The following SOX5 variants were observed in gnomAD, a reference collection of about 807,000 sequenced individuals.
SOX5 encodes the protein transcription factor SOX-5.
In SOX5, 9 loss-of-function variants were observed where a neutral mutation model predicts 92.0. That is an observed-to-expected ratio of 0.10 (90% confidence interval 0.06 to 0.17). The LOEUF is 0.17. Ranked by LOEUF, SOX5 falls within the 10% of genes least tolerant of loss-of-function variation. SOX5 has a pLI of 1.00. For missense variants in SOX5, 642 were observed against 944.5 expected (o/e 0.68, Z 4.20); for synonymous variants, 344 against 336.3 (o/e 1.02, Z -0.25).
At chr12:24,450,859 T>C (rs1446976403) in intron 1 of SOX5, among the ~76,000 whole-genome samples, 1 of 152,182 alleles carries the variant, frequency 6.6e-6, no homozygotes, top group Non-Finnish European at 1.5e-5. Context: ...ACAATTATTA[T>C]TTACTATAGT....
intron 1 of SOX5, among the ~76,000 whole-genome samples, chr12:24,426,450 A>T (rs1052240713): frequency 1.3e-5 from 2 of 152,228 alleles, no homozygotes; most frequent in African/African-American, 4.8e-5. Flanking sequence ...GCACCCTAGA[A>T]CTTAAAGTAT....
At chr12:24,354,253 T>G (rs1954508923) in intron 2 of SOX5, among the ~76,000 whole-genome samples, 1 of 152,136 alleles carries the variant, frequency 6.6e-6, no homozygotes, top group Admixed American at 6.6e-5. Context: ...GTGAAGAATC[T>G]CCTAGCAGAA....
chr12:24,540,179 G>C (rs1478955623), intron 1 of SOX5, among the ~76,000 whole-genome samples: 1 of 152,082 alleles, frequency 6.6e-6, no homozygotes, highest in Non-Finnish European at 1.5e-5. Flanking sequence ...GCCAACATAG[G>C]ATTAGCATTG....
chr12:24,551,888 G>C (rs1197488078), intron 1 of SOX5, among the ~76,000 whole-genome samples: 1 of 152,116 alleles, frequency 6.6e-6, no homozygotes, highest in Non-Finnish European at 1.5e-5. Flanking sequence ...CTCTCCTTCT[G>C]TGTGTTTTTA....
chr12:24,415,549 T>C (rs1053439371), intron 1 of SOX5, among the ~76,000 whole-genome samples: 3 of 152,206 alleles, frequency 2.0e-5, no homozygotes, highest in East Asian at 3.8e-4. Flanking sequence ...TGGATAAAGA[T>C]AGAAAGATCA....
chr12:23,573,820 T>C (rs2136645450), intron 10 of SOX5, among the ~76,000 whole-genome samples: 1 of 152,242 alleles, frequency 6.6e-6, no homozygotes. Context: ...AGGTTCACTG[T>C]CATGCTACAA....
chr12:23,873,275 G>A (rs1159157961), intron 2 of SOX5, among the ~76,000 whole-genome samples: 5 of 150,672 alleles, frequency 3.3e-5, no homozygotes, highest in African/African-American at 7.3e-5. Flanking sequence ...ACTGAAGACC[G>A]GCCTGGGCAA....
intron 6 of SOX5, among the ~76,000 whole-genome samples, chr12:23,733,498 A>T (rs2093469890): frequency 6.6e-6 from 1 of 152,128 alleles, no homozygotes; most frequent in Non-Finnish European, 1.5e-5. Flanking sequence ...AAGGAGGGGA[A>T]ATGTCCTCGG....
At chr12:24,180,354 T>C (rs1955348560) in intron 4 of SOX5, among the ~76,000 whole-genome samples, 1 of 152,214 alleles carries the variant, frequency 6.6e-6, no homozygotes, top group African/African-American at 2.4e-5. Flanking sequence ...ATGAGATTTC[T>C]AGTTATCTTG....
At chr12:23,978,976 A>T (rs1389614112) in intron 4 of SOX5, among the ~76,000 whole-genome samples, 1 of 152,148 alleles carries the variant, frequency 6.6e-6, no homozygotes, top group African/African-American at 2.4e-5. Flanking sequence ...GAACTTAAAT[A>T]TTATACTTAA....
intron 4 of SOX5, among the ~76,000 whole-genome samples, chr12:23,746,065 A>G (rs913880748): frequency 2.0e-5 from 3 of 152,194 alleles, no homozygotes; most frequent in Admixed American, 2.0e-4. Context: ...CCAAAAAAAT[A>G]AGCTTTTGCA....
intron 2 of SOX5, among the ~76,000 whole-genome samples, chr12:23,855,631 CAAAT>C (rs2096678896): frequency 6.6e-6 from 1 of 151,958 alleles, no homozygotes; most frequent in African/African-American, 2.4e-5. Flanking sequence ...GACTGTCTGG[CAAAT>C]AAATCCTTAT....
intron 6 of SOX5, among the ~76,000 whole-genome samples, chr12:23,709,705 G>C (rs924836537): frequency 6.6e-6 from 1 of 152,138 alleles, no homozygotes; most frequent in African/African-American, 2.4e-5. Context: ...TACTGGTTAG[G>C]AGGTTGTGTA....
At chr12:24,242,502 T>C (rs1268924654) in intron 3 of SOX5, among the ~76,000 whole-genome samples, 2 of 151,200 alleles carry the variant, frequency 1.3e-5, no homozygotes, top group Non-Finnish European at 2.9e-5. Context: ...TAGACTAATA[T>C]AAAAGATTCA....
intron 1 of SOX5, among the ~76,000 whole-genome samples, chr12:24,445,008 T>C (rs1214963182): frequency 6.6e-6 from 1 of 152,148 alleles, no homozygotes; most frequent in East Asian, 1.9e-4. Flanking sequence ...TACTAGATGA[T>C]TTTTTCTGTA....
upstream of SOX5, among the ~76,000 whole-genome samples, chr12:23,953,779 T>A (rs1381537801): frequency 1.3e-5 from 2 of 152,026 alleles, no homozygotes; most frequent in African/African-American, 4.8e-5. Context: ...AAATAAAATA[T>A]ATTTTCAGAG....
At chr12:23,645,447 A>T (rs2080710660) in intron 7 of SOX5, among the ~76,000 whole-genome samples, 1 of 152,204 alleles carries the variant, frequency 6.6e-6, no homozygotes, top group Admixed American at 6.5e-5. Flanking sequence ...AATGGACAAG[A>T]AATGAAGTTT....
At chr12:23,628,811 TA>T (rs1283280892) in intron 8 of SOX5, among the ~76,000 whole-genome samples, 1 of 151,738 alleles carries the variant, frequency 6.6e-6, no homozygotes, top group Non-Finnish European at 1.5e-5. Context: ...TTTTTTTTTT[TA>T]TTTTTATTTT....
At chr12:23,924,071 G>A (rs1029465233) in intron 1 of SOX5, among the ~76,000 whole-genome samples, 1 of 152,026 alleles carries the variant, frequency 6.6e-6, no homozygotes, top group Non-Finnish European at 1.5e-5. Context: ...CACAAATGTT[G>A]CCTAAAAAAG....
Sources: gnomAD v4.1 joint callset for allele counts (sites outside exome capture counted in the v4.1 genomes callset) on GRCh38, gnomAD v4.1.1 for gene constraint, MANE v1.5 for transcripts, NCBI Gene and HGNC (gene_info 2026-07-23, HGNC 2026-07-21) for gene names.